The following ZFAND6 variants were observed in gnomAD, a reference collection of about 807,000 sequenced individuals.
The protein encoded by ZFAND6 is zinc finger AN1-type containing 6, also known as AN1-type zinc finger protein 6.
Under a neutral mutation model 24.5 loss-of-function variants are expected in ZFAND6, and 12 were observed. The observed-to-expected ratio is 0.49, with a 90% confidence interval of 0.31 to 0.79. The LOEUF is 0.79. Ranked by LOEUF, ZFAND6 falls within the 30% of genes least tolerant of loss-of-function variation. The probability of loss-of-function intolerance (pLI) is 0.04; values close to 1 mark genes in which losing one functional copy is unlikely to be tolerated. For missense variants in ZFAND6, 207 were observed against 245.9 expected (o/e 0.84, Z 1.06); for synonymous variants, 92 against 81.5 (o/e 1.13, Z -0.69).
intron 1 of ZFAND6, chr15:80,072,701 T>C (rs1184306664): frequency 6.6e-6 from 1 of 152,062 alleles, no homozygotes; most frequent in Non-Finnish European, 1.5e-5. Context: ...ATTTTGCTCC[T>C]TTATGATTCT....
intron 6 of ZFAND6, chr15:80,131,584 T>TAA (rs764707266): frequency 2.5e-6 from 1 of 401,244 alleles, no homozygotes; most frequent in East Asian, 3.6e-5. Flanking sequence ...CTCCTGCTTT[T>TAA]AAGGAGAGAA....
At chr15:80,107,979 G>C (rs567454486) in intron 2 of ZFAND6, among the ~76,000 whole-genome samples, 115 of 152,212 alleles carry the variant, frequency 7.6e-4, no homozygotes, top group African/African-American at 2.6e-3. Flanking sequence ...CCAGCCAACT[G>C]CTTGGGTTGA....
intron 6 of ZFAND6, among the ~76,000 whole-genome samples, chr15:80,131,960 T>TA (rs1356548656): frequency 6.6e-6 from 1 of 152,162 alleles, no homozygotes; most frequent in African/African-American, 2.4e-5. Context: ...GAGTAGGACT[T>TA]ATAACTGATG....
At chr15:80,122,181 CATG>C (rs1292259280) in intron 4 of ZFAND6, among the ~76,000 whole-genome samples, 2 of 152,058 alleles carry the variant, frequency 1.3e-5, no homozygotes, top group Non-Finnish European at 2.9e-5. Context: ...TGTTTAATAT[CATG>C]ATGTAGTACT....
In ZFAND6 at chr15:80,121,792, G is replaced by A; in HGVS notation, c.235G>A (p.Asp79Asn). The change falls in exon 4 of 7, where the codon GAC (aspartate) becomes AAC (asparagine). Residue 79 changes from aspartate (D) to asparagine (N), a missense_variant. Asp to Asn is a conservative substitution (Grantham distance 23, BLOSUM62 1). Transcript: ENST00000261749. ...TGTGCCAGAAGCCCAGTCAGCATTA[G>A]ACTCTACATCTTCATCTATGCAGCC... ...GSVPEAQSALDSTSSSMQPSP... is the reference protein window; with the variant it reads ...GSVPEAQSALNSTSSSMQPSP... 1 of 1,613,800 alleles carries A rather than the reference G, an allele frequency of 6.2e-7. No homozygotes were observed. The highest frequency in any genetic ancestry group is 1.3e-5 in the African/African-American group (1 of 75,020).
At chr15:80,115,563 C>G (rs938355599) in intron 2 of ZFAND6, among the ~76,000 whole-genome samples, 2 of 152,164 alleles carry the variant, frequency 1.3e-5, no homozygotes, top group Non-Finnish European at 2.9e-5. Flanking sequence ...TCATAGCTAC[C>G]CCATCTATGC....
At chr15:80,111,464 G>A in intron 2 of ZFAND6, 1 of 454,202 alleles carries the variant, frequency 2.2e-6, no homozygotes, top group Non-Finnish European at 4.4e-6. Context: ...TTCAATCTGA[G>A]GTTGGTGGAG....
At chr15:80,059,252 G>A (rs2036195746), upstream of ZFAND6, among the ~76,000 whole-genome samples, 1 of 152,166 alleles carries the variant, frequency 6.6e-6, no homozygotes, top group African/African-American at 2.4e-5. Flanking sequence ...ACTCTTTTTG[G>A]TGCCTCAGTC....
chr15:80,122,090 A>G (rs2142018121), intron 4 of ZFAND6, among the ~76,000 whole-genome samples: 1 of 152,240 alleles, frequency 6.6e-6, no homozygotes, highest in Non-Finnish European at 1.5e-5. Context: ...CTTTGGAAGC[A>G]TGTTAAGTGA....
At chr15:80,124,864 G>A (rs761705258) in intron 5 of ZFAND6, among the ~76,000 whole-genome samples, 1 of 152,106 alleles carries the variant, frequency 6.6e-6, no homozygotes, top group Non-Finnish European at 1.5e-5. Flanking sequence ...GTTCCAGTAT[G>A]TAAAATCTCT....
At position 80,135,143 on chromosome 15, in the gene ZFAND6, T is replaced by C. The variant is rs116722920; in HGVS notation, c.479-2337T>C. On this transcript the variant is annotated intron_variant, in intron 6 of 6. Transcript: ENST00000261749. ...GTAAAGACAAGGATGAAGACTTTTA[T>C]GATGATCGACTTTCACTTAATGAAT... Among the ~76,000 whole-genome samples, 1,096 of 152,376 alleles carry C rather than the reference T, an allele frequency of 7.2e-3. 14 individuals carry two copies. The highest frequency in any genetic ancestry group is 0.024 in the African/African-American group (1,015 of 41,588).
intron 2 of ZFAND6, among the ~76,000 whole-genome samples, chr15:80,120,030 A>G (rs551599899): frequency 1.1e-3 from 169 of 152,336 alleles, no homozygotes; most frequent in African/African-American, 3.7e-3. Context: ...TTAATAAGTT[A>G]TCCTTGACCT....
intron 1 of ZFAND6, chr15:80,072,764 A>C (rs1243047195): frequency 6.6e-6 from 1 of 152,054 alleles, no homozygotes; most frequent in African/African-American, 2.4e-5. Context: ...ACTGAACACT[A>C]AAATTAAGCA....
chr15:80,097,131 C>G (rs1233509822), intron 1 of ZFAND6, among the ~76,000 whole-genome samples: 1 of 151,556 alleles, frequency 6.6e-6, no homozygotes, highest in African/African-American at 2.4e-5. Context: ...CCTCTAGTAG[C>G]TGGGATTACA....
chr15:80,062,427 G>A (rs916264098), intron 1 of ZFAND6, among the ~76,000 whole-genome samples: 1 of 152,196 alleles, frequency 6.6e-6, no homozygotes, highest in African/African-American at 2.4e-5. Context: ...CCCACAAGGT[G>A]TGTTTCCCGA....
At chr15:80,101,881 C>T (rs1032093304) in intron 2 of ZFAND6, among the ~76,000 whole-genome samples, 1 of 150,270 alleles carries the variant, frequency 6.7e-6, no homozygotes, top group Non-Finnish European at 1.5e-5. Flanking sequence ...CAAGCTCTGC[C>T]TCCTGGGTTC....
At chr15:80,093,732 A>G (rs1229817929) in intron 1 of ZFAND6, among the ~76,000 whole-genome samples, 1 of 152,242 alleles carries the variant, frequency 6.6e-6, no homozygotes, top group Non-Finnish European at 1.5e-5. Flanking sequence ...TTTCAAAATA[A>G]ATAAATAGTT....
chr15:80,092,570 A>G (rs1196043140), intron 1 of ZFAND6, among the ~76,000 whole-genome samples: 1 of 152,152 alleles, frequency 6.6e-6, no homozygotes, highest in Non-Finnish European at 1.5e-5. Context: ...AAAGTTCTAA[A>G]TGGTAAGAGA....
chr15:80,120,465 CAG>C lies in ZFAND6; in HGVS notation c.123_124del (p.Asn42Ter). ...ATGCTATAAAGAACATCTTCAAAGA[CAG>C]AATAGTAGTAATGGTAGAATAAGCC... ...SVCYKEHLQR[Q>X]NSSNGRISPP... On this transcript the variant is annotated frameshift_variant, in exon 3 of 7. Coordinates refer to ENST00000261749, the MANE Select transcript of ZFAND6 (RefSeq NM_019006.4). LOFTEE classifies it high-confidence loss of function. 6.3e-7 allele frequency: 1 copy of C among 1,589,828 alleles called. No individual in the cohort carries two copies. Among genetic ancestry groups the C allele is most frequent in the Non-Finnish European group, 8.6e-7 (1 of 1,165,284 alleles).
Sources: allele counts gnomAD v4.1 joint callset (sites outside exome capture counted in the v4.1 genomes callset), GRCh38; gene constraint gnomAD v4.1.1; transcripts MANE v1.5; gene names NCBI Gene and HGNC (gene_info 2026-07-23, HGNC 2026-07-21).